The following POU3F3 variants were observed in gnomAD, a reference collection of about 807,000 sequenced individuals.
POU3F3 encodes the protein POU class 3 homeobox 3.
Under a neutral mutation model 8.6 loss-of-function variants are expected in POU3F3, and 1 was observed. The observed-to-expected ratio is 0.12, with a 90% CI of 0.04 to 0.55. The LOEUF (loss-of-function observed/expected upper bound fraction) is 0.55, where lower values mean the gene tolerates loss of function less well. Ranked by LOEUF, POU3F3 falls within the 20% of genes least tolerant of loss-of-function variation. POU3F3 has a pLI of 0.91. For synonymous variants in POU3F3, 418 were observed against 327.4 expected, an observed-to-expected ratio of 1.28 and a Z score of -2.99; for missense variants, 577 against 690.7, an observed-to-expected ratio of 0.84 and a Z score of 1.84.
chr2:104,856,740 G>A lies in POU3F3; in HGVS notation c.1230G>A (p.Arg410=), dbSNP rs758516234. ...IAAQGRKRKK[R]TSIEVSVKGA... ...CGCAGGGCCGCAAGCGCAAGAAGCGGACCTCTATCGAGGTGAGCGTCAAGG... is the reference window on the plus strand; with the variant it reads ...CGCAGGGCCGCAAGCGCAAGAAGCGAACCTCTATCGAGGTGAGCGTCAAGG... Residue 410 remains arginine, a synonymous_variant, in exon 1 of 1, where the codon CGG becomes CGA. Transcript: ENST00000361360. 1 of 1,614,122 alleles carries A rather than the reference G, an allele frequency of 6.2e-7. No homozygotes were observed. The highest frequency in any genetic ancestry group is 8.5e-7 in the Non-Finnish European group (1 of 1,180,032).
At chr2:104,881,671 A>G in the POU3F3 span, among the ~76,000 whole-genome samples, 1 of 152,200 alleles carries the variant, frequency 6.6e-6, no homozygotes, top group African/African-American at 2.4e-5. Flanking sequence ...ATCTATAAAA[A>G]CTAATACATT....
In POU3F3 at chr2:104,854,299, C is replaced by T. The variant is rs1168554348; in HGVS notation, c.-1212C>T. ...AACTCTGCTCCAGCACGGCCAGCGC[C>T]AGCGCCCGCCGTCGGTGCACTCTAC... On this transcript the variant is annotated 5_prime_UTR_variant, in exon 1 of 1. Coordinates refer to ENST00000361360, the MANE Select transcript of POU3F3 (RefSeq NM_006236.3). The surrounding 1 kb of genome is among the most constrained non-coding windows in gnomAD (Gnocchi z 4.5). 1.3e-5 allele frequency among the ~76,000 whole-genome samples: 2 copies of T among 152,192 alleles called. No homozygotes were observed. Among genetic ancestry groups the T allele is most frequent in the Admixed American group, 6.5e-5 (1 of 15,282 alleles).
chr2:104,870,538 A>G, the POU3F3 span, among the ~76,000 whole-genome samples: 2 of 152,212 alleles, frequency 1.3e-5, no homozygotes, highest in African/African-American at 4.8e-5. Flanking sequence ...ATCCCAAGCC[A>G]GGGACTTGAA....
At chr2:104,922,090 T>C in the POU3F3 span, among the ~76,000 whole-genome samples, 4 of 152,154 alleles carry the variant, frequency 2.6e-5, no homozygotes, top group Non-Finnish European at 5.9e-5. Context: ...CTGAAAAGAC[T>C]TTAAGTTTAT....
At chr2:104,864,656 T>G in the POU3F3 span, among the ~76,000 whole-genome samples, 1 of 152,240 alleles carries the variant, frequency 6.6e-6, no homozygotes, top group African/African-American at 2.4e-5. Context: ...TTCATTTTTC[T>G]TCCTTTGGAA....
At chr2:104,883,398 GT>G in the POU3F3 span, among the ~76,000 whole-genome samples, 1 of 152,198 alleles carries the variant, frequency 6.6e-6, no homozygotes, top group African/African-American at 2.4e-5. Flanking sequence ...GTTTTGTTTT[GT>G]TTTCCCCCTT....
At chr2:104,881,050 T>A in the POU3F3 span, among the ~76,000 whole-genome samples, 45 of 152,352 alleles carry the variant, frequency 3.0e-4, no homozygotes, top group East Asian at 4.2e-3. Context: ...GAGGGATGAA[T>A]AACATACAGT....
At chr2:104,905,610 G>T in the POU3F3 span, among the ~76,000 whole-genome samples, 1 of 152,222 alleles carries the variant, frequency 6.6e-6, no homozygotes, top group Admixed American at 6.5e-5. Context: ...GGTGTCGGCA[G>T]GGTCATGCCT....
At chr2:104,868,294 G>A in the POU3F3 span, 1 of 456,734 alleles carries the variant, frequency 2.2e-6, no homozygotes, top group Non-Finnish European at 4.4e-6. Context: ...CAGGGCCCGA[G>A]TTCAGGGCTA....
chr2:104,901,746 G>T, the POU3F3 span, among the ~76,000 whole-genome samples: 1 of 152,238 alleles, frequency 6.6e-6, no homozygotes, highest in East Asian at 1.9e-4. Context: ...CAGGCAGAGG[G>T]AGTTAGCAGT....
the POU3F3 span, chr2:104,868,105 A>G: frequency 2.7e-6 from 1 of 366,298 alleles, no homozygotes; most frequent in Non-Finnish European, 5.4e-6. Context: ...AACAATTAGG[A>G]AAAAGTAAGA....
the POU3F3 span, among the ~76,000 whole-genome samples, chr2:104,873,701 T>A: frequency 6.6e-6 from 1 of 152,142 alleles, no homozygotes; most frequent in East Asian, 1.9e-4. Context: ...GAGGAGATCC[T>A]CTCTCCCACT....
chr2:104,854,348 AGTT>A lies in POU3F3; in HGVS notation c.-1157_-1155del, dbSNP rs1320751092. On this transcript the variant is annotated 5_prime_UTR_variant, in exon 1 of 1. Coordinates refer to ENST00000361360, the MANE Select transcript of POU3F3 (RefSeq NM_006236.3). The surrounding 1 kb of genome is among the most constrained non-coding windows in gnomAD (Gnocchi z 4.5). Reference sequence around the variant, plus strand: ...ACGAGCCGTGCAGCGTGCCCACTGGAGTTGTTGTGTATCAAGGATCGATCCCCT... The same window carrying A: ...ACGAGCCGTGCAGCGTGCCCACTGGAGTTGTGTATCAAGGATCGATCCCCT... Among the ~76,000 whole-genome samples, 1 of 152,132 alleles carries A rather than the reference AGTT, an allele frequency of 6.6e-6. No individual in the cohort carries two copies. The highest frequency in any genetic ancestry group is 1.5e-5 in the Non-Finnish European group (1 of 68,008).
the POU3F3 span, among the ~76,000 whole-genome samples, chr2:104,889,831 G>A: frequency 6.6e-6 from 1 of 152,312 alleles, no homozygotes. Context: ...TCTGGCATGA[G>A]GAAGAAGTTC....
chr2:104,868,890 ATG>A, the POU3F3 span, among the ~76,000 whole-genome samples: 2 of 152,200 alleles, frequency 1.3e-5, no homozygotes, highest in East Asian at 3.8e-4. Flanking sequence ...AAGATTTTCT[ATG>A]TGTGTGTGGT....
Position 104,855,425 on chromosome 2 carries a change from C to A in POU3F3, c.-86C>A. The A allele has an allele frequency of 3.4e-6, 2 of 584,798 alleles. No individual in the cohort carries two copies. Among genetic ancestry groups the A allele is most frequent in the Non-Finnish European group, 4.2e-6 (2 of 478,470 alleles). The allele number at this position is 584,798 out of a possible 1,614,324, so 36.2% of individuals were successfully genotyped here. On this transcript the variant is annotated 5_prime_UTR_variant, in exon 1 of 1. Transcript: ENST00000361360. Reference sequence around the variant, plus strand: ...AGGAGGCGGGAGGCGGGGGGCGCGGCGGCGGCGGCGGCGGCGGCGGCCGCG... The same window carrying A: ...AGGAGGCGGGAGGCGGGGGGCGCGGAGGCGGCGGCGGCGGCGGCGGCCGCG...
At chr2:104,910,606 C>A in the POU3F3 span, among the ~76,000 whole-genome samples, 1 of 152,184 alleles carries the variant, frequency 6.6e-6, no homozygotes, top group Admixed American at 6.5e-5. Flanking sequence ...GCTTAGTAGG[C>A]TGCTAAAGAT....
chr2:104,856,334 A>G lies in POU3F3; in HGVS notation c.824A>G (p.His275Arg). 2 of 1,508,712 alleles carry G rather than the reference A, an allele frequency of 1.3e-6. No individual in the cohort carries two copies. The highest frequency in any genetic ancestry group is 1.8e-6 in the Non-Finnish European group (2 of 1,134,928). 93.5% of individuals were successfully genotyped at this position (1,508,712 alleles called of 1,614,324 possible). The change falls in exon 1 of 1, where the codon CAC (histidine) becomes CGC (arginine). Residue 275 changes from histidine (H) to arginine (R), a missense_variant. Physicochemically the swap from His to Arg is conservative, Grantham distance 29. Coordinates refer to ENST00000361360, the MANE Select transcript of POU3F3 (RefSeq NM_006236.3). Reference protein sequence around the residue: ...PELAEHHHHHHHHAHPHPPHP... With the variant: ...PELAEHHHHHRHHAHPHPPHP... ...CTGGCCGAGCACCACCACCACCACC[A>G]CCACCACGCGCATCCTCACCCGCCG... is the stretch of plus-strand genomic sequence containing the variant.
chr2:104,917,650 G>T, the POU3F3 span, among the ~76,000 whole-genome samples: 2 of 151,860 alleles, frequency 1.3e-5, no homozygotes, highest in East Asian at 1.9e-4. Flanking sequence ...AGTGAGGGAA[G>T]GTCAGTGTCT....
Sources: gnomAD v4.1 joint callset for allele counts (sites outside exome capture counted in the v4.1 genomes callset) on GRCh38, gnomAD v4.1.1 for gene constraint, Gnocchi (gnomAD v3.1) non-coding constraint, MANE v1.5 for transcripts, NCBI Gene and HGNC (gene_info 2026-07-23, HGNC 2026-07-21) for gene names.